The following UBE2H variants were observed in gnomAD, a reference collection of about 807,000 sequenced individuals.
UBE2H encodes ubiquitin-conjugating enzyme E2 H.
A neutral mutation model predicts 29.0 loss-of-function variants in UBE2H; 3 were observed. The ratio of observed to expected loss-of-function variants is 0.10; its 90% confidence interval spans 0.05 to 0.27. The LOEUF is 0.27. Among genes scored for constraint, UBE2H ranks in the 10% least tolerant of loss-of-function variants. UBE2H has a pLI of 1.00. For synonymous variants in UBE2H, 69 were observed against 82.9 expected, an observed-to-expected ratio of 0.83 and a Z score of 0.91; for missense variants, 68 against 228.2, an observed-to-expected ratio of 0.30 and a Z score of 4.52.
intron 3 of UBE2H, among the ~76,000 whole-genome samples, chr7:129,869,989 G>A (rs1805995779): frequency 6.6e-6 from 1 of 151,936 alleles, no homozygotes; most frequent in Non-Finnish European, 1.5e-5. Context: ...CTCTCCCTTT[G>A]TTCCCCTAAC....
At chr7:129,839,792 C>A in intron 5 of UBE2H, 1 of 167,108 alleles carries the variant, frequency 6.0e-6, no homozygotes, top group Non-Finnish European at 1.3e-5. Flanking sequence ...CTCACTGAAA[C>A]CTCTGCCTCC....
chr7:129,952,488 C>T lies in UBE2H; in HGVS notation c.53+15G>A, dbSNP rs1807900107. 1 of 1,612,092 alleles carries T rather than the reference C, an allele frequency of 6.2e-7. No individual in the cohort carries two copies. ...CCCCCCACACACAGCCCGAATTCCC[C>T]TCCACGAAGGATACAGCTTGACCAC... is the stretch of plus-strand genomic sequence containing the variant. On this transcript the variant is annotated intron_variant, in intron 1 of 6. Coordinates refer to ENST00000355621, the MANE Select transcript of UBE2H (RefSeq NM_003344.4).
intron 1 of UBE2H, among the ~76,000 whole-genome samples, chr7:129,902,270 G>A (rs772462136): frequency 6.6e-5 from 10 of 152,108 alleles, no homozygotes; most frequent in Non-Finnish European, 1.3e-4. Context: ...AGGCCGAGGC[G>A]GATGGATCAC....
chr7:129,883,347 A>G (rs1204171619), intron 1 of UBE2H, among the ~76,000 whole-genome samples: 3 of 152,236 alleles, frequency 2.0e-5, no homozygotes, highest in Non-Finnish European at 4.4e-5. Context: ...ACCTGCACAT[A>G]TGCATACCCT....
intron 1 of UBE2H, among the ~76,000 whole-genome samples, chr7:129,914,172 T>A (rs912081391): frequency 3.2e-5 from 4 of 125,390 alleles, no homozygotes; most frequent in Non-Finnish European, 7.5e-5. Context: ...CAAAAATCAA[T>A]TTTTTTTTTT....
rs1480251679 is a variant in UBE2H at position 129,831,248 on chromosome 7, C to A, written c.*3689G>T. The A allele has an allele frequency of 6.6e-6, 1 of 152,222 alleles. No homozygotes were observed. Among genetic ancestry groups the A allele is most frequent in the East Asian group, 1.9e-4 (1 of 5,192 alleles). The allele number at this position is 152,222 out of a possible 1,614,324, so 9.4% of individuals were successfully genotyped here. On this transcript the variant is annotated 3_prime_UTR_variant, in exon 7 of 7. Coordinates refer to ENST00000355621, the MANE Select transcript of UBE2H (RefSeq NM_003344.4). ...CCAATCAGAGATAGATGATTTCATT[C>A]AACAAGGCTGGAAGCCCAGTTGGGA...
chr7:129,873,954 C>A (rs530534054), intron 3 of UBE2H, among the ~76,000 whole-genome samples: 50 of 152,258 alleles, frequency 3.3e-4, no homozygotes, highest in African/African-American at 1.2e-3. Context: ...AGATATAGAT[C>A]GGTAGCATTT....
At chr7:129,853,964 T>C (rs1051931938) in intron 5 of UBE2H, among the ~76,000 whole-genome samples, 5 of 152,124 alleles carry the variant, frequency 3.3e-5, no homozygotes, top group Admixed American at 1.3e-4. Flanking sequence ...GAGGAAAGTG[T>C]TGAAACAAGT....
chr7:129,901,338 C>A (rs895872995), intron 1 of UBE2H, among the ~76,000 whole-genome samples: 79 of 152,146 alleles, frequency 5.2e-4, no homozygotes, highest in African/African-American at 1.9e-3. Flanking sequence ...TCTATCAAGA[C>A]CACAGGGCTT....
At chr7:129,944,623 C>A (rs62489377) in intron 1 of UBE2H, among the ~76,000 whole-genome samples, 19,633 of 151,806 alleles carry the variant, frequency 0.13, 1,582 homozygotes, top group East Asian at 0.3. Context: ...CAAGTGGCCA[C>A]GACTGCAGTG....
intron 1 of UBE2H, among the ~76,000 whole-genome samples, chr7:129,915,803 C>T (rs1305944124): frequency 3.3e-5 from 5 of 152,196 alleles, no homozygotes; most frequent in Non-Finnish European, 7.3e-5. Flanking sequence ...CTACCATCCC[C>T]AGCATGCAGT....
At chr7:129,897,808 AAGT>A (rs1208858726) in intron 1 of UBE2H, among the ~76,000 whole-genome samples, 1 of 152,230 alleles carries the variant, frequency 6.6e-6, no homozygotes, top group East Asian at 1.9e-4. Context: ...AAAAATCAAA[AAGT>A]AATCTAAAGA....
At chr7:129,896,813 T>C (rs1341443732) in intron 1 of UBE2H, among the ~76,000 whole-genome samples, 1 of 152,264 alleles carries the variant, frequency 6.6e-6, no homozygotes, top group African/African-American at 2.4e-5. Flanking sequence ...CAAAAATCTC[T>C]ATTCACAGAC....
At chr7:129,949,907 G>A (rs139399852) in intron 1 of UBE2H, among the ~76,000 whole-genome samples, 102 of 152,262 alleles carry the variant, frequency 6.7e-4, no homozygotes, top group African/African-American at 2.4e-3. Flanking sequence ...TCATCAAGGG[G>A]CATGGGGGGC....
intron 1 of UBE2H, among the ~76,000 whole-genome samples, chr7:129,927,551 C>T (rs1366391207): frequency 6.6e-6 from 1 of 151,646 alleles, no homozygotes. Context: ...AAAATAAAAA[C>T]ACAACAAAAA....
At chr7:129,893,973 G>A (rs1806550737) in intron 1 of UBE2H, among the ~76,000 whole-genome samples, 1 of 152,128 alleles carries the variant, frequency 6.6e-6, no homozygotes, top group Non-Finnish European at 1.5e-5. Context: ...AGCCTGACAT[G>A]GCAAAACCCT....
In UBE2H at chr7:129,901,076, C is replaced by T. The variant is rs536453014; in HGVS notation, c.54-20105G>A. On this transcript the variant is annotated intron_variant, in intron 1 of 6. Transcript: ENST00000355621. ...TTTTCTTTTTCTTTACAGTATTTTTCCCCAAGGAAATAAGCACTGTCTTAA... is the reference window on the plus strand; with the variant it reads ...TTTTCTTTTTCTTTACAGTATTTTTTCCCAAGGAAATAAGCACTGTCTTAA... Among the ~76,000 whole-genome samples the T allele has an allele frequency of 2.6e-5, 4 of 152,158 alleles. No individual in the cohort carries two copies. In the East Asian group the frequency reaches 5.8e-4, roughly 22 times the overall value.
chr7:129,879,533 A>T, intron 3 of UBE2H, 35 bp downstream of exon 3: 1 of 1,575,882 alleles, frequency 6.3e-7, no homozygotes, highest in Non-Finnish European at 8.7e-7. Context: ...TAGATTTCAA[A>T]ACTCTCTAAG....
rs146866533 is a variant in UBE2H at position 129,946,002 on chromosome 7, T to C, written c.53+6501A>G. Among the ~76,000 whole-genome samples the C allele has an allele frequency of 4.5e-3, 689 of 151,836 alleles. 6 individuals are homozygous for C. The highest frequency in any genetic ancestry group is 0.016 in the African/African-American group (656 of 41,404). Reference sequence around the variant, plus strand: ...CTCAGGTGATCTGCCCACCTCAGCCTCCCAAAGTGCTGGATGTATAGGCAT... The same window carrying C: ...CTCAGGTGATCTGCCCACCTCAGCCCCCCAAAGTGCTGGATGTATAGGCAT... On this transcript the variant is annotated intron_variant, in intron 1 of 6. Transcript: ENST00000355621.
Sources: allele counts gnomAD v4.1 joint callset (sites outside exome capture counted in the v4.1 genomes callset), GRCh38; gene constraint gnomAD v4.1.1; transcripts MANE v1.5; gene names NCBI Gene and HGNC (gene_info 2026-07-23, HGNC 2026-07-21).